Variants in AGPS observed in about 807,000 individuals in gnomAD.
The protein encoded by AGPS is alkylglycerone phosphate synthase, also known as alkyldihydroxyacetonephosphate synthase, peroxisomal.
Under a neutral mutation model 90.7 loss-of-function variants are expected in AGPS, and 26 were observed. That is an observed-to-expected ratio of 0.29 (90% confidence interval 0.21 to 0.40). AGPS has a LOEUF of 0.40. Ranked by LOEUF, AGPS falls within the 10% of genes least tolerant of loss-of-function variation. The probability of loss-of-function intolerance (pLI) is 1.00; values close to 1 mark genes in which losing one functional copy is unlikely to be tolerated. For synonymous variants in AGPS, 294 were observed against 285.3 expected, an observed-to-expected ratio of 1.03 and a Z score of -0.31; for missense variants, 540 against 816.1, an observed-to-expected ratio of 0.66 and a Z score of 4.12.
At chr2:177,438,158 A>G (rs1287300000) in intron 5 of AGPS, among the ~76,000 whole-genome samples, 2 of 152,166 alleles carry the variant, frequency 1.3e-5, no homozygotes, top group Admixed American at 6.5e-5. Flanking sequence ...AAATTTATCA[A>G]TTTTCACTTC....
intron 1 of AGPS, among the ~76,000 whole-genome samples, chr2:177,396,184 A>G (rs1685168135): frequency 6.6e-6 from 1 of 152,210 alleles, no homozygotes; most frequent in African/African-American, 2.4e-5. Flanking sequence ...ACAGCATATG[A>G]CAAAGCAAGG....
intron 16 of AGPS, among the ~76,000 whole-genome samples, chr2:177,509,885 TC>T (rs1688821222): frequency 6.6e-6 from 1 of 152,182 alleles, no homozygotes; most frequent in African/African-American, 2.4e-5. Context: ...CTTGTTTTTT[TC>T]CACAGGACTA....
intron 8 of AGPS, among the ~76,000 whole-genome samples, chr2:177,447,253 A>G (rs1686803097): frequency 6.6e-6 from 1 of 152,154 alleles, no homozygotes; most frequent in African/African-American, 2.4e-5. Flanking sequence ...TAGGCTTTGA[A>G]AAAAAATGAT....
chr2:177,520,228 G>A (rs2105732164), intron 17 of AGPS, among the ~76,000 whole-genome samples: 1 of 152,344 alleles, frequency 6.6e-6, no homozygotes, highest in South Asian at 2.1e-4. Flanking sequence ...ATGCAGCCCA[G>A]TAGGTAGGTT....
chr2:177,402,025 A>G (rs971043638), intron 1 of AGPS, among the ~76,000 whole-genome samples: 7 of 152,234 alleles, frequency 4.6e-5, no homozygotes, highest in African/African-American at 1.7e-4. Context: ...CAAAATGGAG[A>G]AAGATTTTTA....
At chr2:177,505,636 CT>C in intron 15 of AGPS, 61 bp downstream of exon 15, 1 of 1,448,630 alleles carries the variant, frequency 6.9e-7, no homozygotes, top group Non-Finnish European at 9.7e-7. Context: ...CTTTTTCTTA[CT>C]TTAAGTGAAT....
intron 1 of AGPS, among the ~76,000 whole-genome samples, chr2:177,402,914 A>G (rs1448977892): frequency 6.6e-6 from 1 of 151,952 alleles, no homozygotes; most frequent in Non-Finnish European, 1.5e-5. Context: ...AAAATTAGCC[A>G]GGCGTGGTGG....
chr2:177,401,403 A>T (rs1454935912), intron 1 of AGPS, among the ~76,000 whole-genome samples: 1 of 152,110 alleles, frequency 6.6e-6, no homozygotes, highest in Non-Finnish European at 1.5e-5. Context: ...GCTCTCATAC[A>T]TGTTTGTGTC....
chr2:177,424,011 G>A (rs778707333), intron 2 of AGPS, among the ~76,000 whole-genome samples: 5 of 151,954 alleles, frequency 3.3e-5, no homozygotes, highest in Non-Finnish European at 4.4e-5. Flanking sequence ...ATAGCTAAAC[G>A]TGTGACATGG....
intron 9 of AGPS, among the ~76,000 whole-genome samples, chr2:177,464,657 T>G (rs765127275): frequency 1.9e-4 from 29 of 152,386 alleles, no homozygotes; most frequent in Middle Eastern, 6.8e-3. Flanking sequence ...TACTTCTCAA[T>G]TTAGTGAATG....
chr2:177,523,172 T>A (rs963684121), intron 18 of AGPS, among the ~76,000 whole-genome samples: 1 of 152,200 alleles, frequency 6.6e-6, no homozygotes, highest in Non-Finnish European at 1.5e-5. Context: ...TATGGTTGAT[T>A]TCTAATAGGT....
chr2:177,424,231 T>G (rs1686014695), intron 2 of AGPS, among the ~76,000 whole-genome samples: 1 of 152,180 alleles, frequency 6.6e-6, no homozygotes, highest in East Asian at 1.9e-4. Flanking sequence ...TCTGTTCCTG[T>G]GTTAGTTTGC....
At chr2:177,436,554 G>A (rs906268177) in intron 3 of AGPS, among the ~76,000 whole-genome samples, 1 of 152,104 alleles carries the variant, frequency 6.6e-6, no homozygotes, top group Non-Finnish European at 1.5e-5. Context: ...ATACTTTGCT[G>A]TCTTCCCTGT....
At chr2:177,530,871 C>A (rs1192789662) in intron 19 of AGPS, among the ~76,000 whole-genome samples, 3 of 152,118 alleles carry the variant, frequency 2.0e-5, no homozygotes, top group Non-Finnish European at 4.4e-5. Flanking sequence ...GTTTCAATAG[C>A]AAAGTTTATG....
At position 177,394,629 on chromosome 2, in the gene AGPS, A is replaced by G. The variant is rs138255079; in HGVS notation, c.260+1580A>G. ...AGACAGTTGAGCATTTTGGCAGTATAATGGCTGGGAACATAGACCTGGATT... is the reference window on the plus strand; with the variant it reads ...AGACAGTTGAGCATTTTGGCAGTATGATGGCTGGGAACATAGACCTGGATT... On this transcript the variant is annotated intron_variant, in intron 1 of 19. Coordinates refer to ENST00000264167, the MANE Select transcript of AGPS (RefSeq NM_003659.4). 3.7e-3 allele frequency among the ~76,000 whole-genome samples: 559 copies of G among 152,308 alleles called. 5 individuals carry two copies. The highest frequency in any genetic ancestry group is 0.013 in the African/African-American group (542 of 41,552).
At chr2:177,504,696 T>TA (rs1446676840) in intron 14 of AGPS, among the ~76,000 whole-genome samples, 3 of 152,094 alleles carry the variant, frequency 2.0e-5, no homozygotes, top group Admixed American at 6.5e-5. Context: ...TATAAGGTGT[T>TA]AATTGAGGTG....
At chr2:177,472,420 T>A (rs1464137103) in intron 10 of AGPS, among the ~76,000 whole-genome samples, 2 of 152,148 alleles carry the variant, frequency 1.3e-5, no homozygotes, top group Non-Finnish European at 2.9e-5. Flanking sequence ...TTTCTTGTTG[T>A]TGGTTTTTGT....
chr2:177,422,399 T>C (rs568182045), intron 2 of AGPS, among the ~76,000 whole-genome samples: 5 of 152,240 alleles, frequency 3.3e-5, no homozygotes, highest in African/African-American at 9.6e-5. Flanking sequence ...AGAGAATTTA[T>C]CTGTTGGTTT....
intron 4 of AGPS, 36 bp downstream of exon 4, chr2:177,436,920 C>CA: frequency 1.9e-6 from 3 of 1,610,162 alleles, no homozygotes; most frequent in Non-Finnish European, 2.5e-6. Flanking sequence ...TTATTTTTAA[C>CA]AAAAAAATTC....
Sources: gnomAD v4.1 joint callset for allele counts (sites outside exome capture counted in the v4.1 genomes callset) on GRCh38, gnomAD v4.1.1 for gene constraint, MANE v1.5 for transcripts, NCBI Gene and HGNC (gene_info 2026-07-23, HGNC 2026-07-21) for gene names.